The following ZNF469 variants were observed in gnomAD, a reference collection of about 807,000 sequenced individuals.
ZNF469 encodes zinc finger protein 469.
A neutral mutation model predicts 1.0 loss-of-function variants in ZNF469; 1 was observed. That is an observed-to-expected ratio of 1.00 (90% confidence interval 0.35 to 4.73). The LOEUF (loss-of-function observed/expected upper bound fraction) is 4.73, where lower values mean the gene tolerates loss of function less well. Ranked by LOEUF, ZNF469 falls within the 30% of genes most tolerant of loss-of-function variation. The pLI is 0.16. For missense variants in ZNF469, 6,100 were observed against 5,356.3 expected, an observed-to-expected ratio of 1.14 and a Z score of -4.33; for synonymous variants, 2,703 against 2,363.4, an observed-to-expected ratio of 1.14 and a Z score of -4.17.
At chr16:88,246,555 A>G in the ZNF469 span, among the ~76,000 whole-genome samples, 2 of 152,246 alleles carry the variant, frequency 1.3e-5, no homozygotes, top group African/African-American at 4.8e-5. Flanking sequence ...AATCGCCAAG[A>G]GCGCTTGCTA....
At chr16:88,380,188 C>G (rs1027694808), upstream of ZNF469, among the ~76,000 whole-genome samples, 2 of 151,678 alleles carry the variant, frequency 1.3e-5, no homozygotes, top group African/African-American at 4.9e-5. Flanking sequence ...CACAAATGCA[C>G]TCACACACAG....
At chr16:88,410,475 C>T (rs1002040406) in intron 1 of ZNF469, among the ~76,000 whole-genome samples, 3 of 139,214 alleles carry the variant, frequency 2.2e-5, no homozygotes, top group African/African-American at 5.5e-5. Flanking sequence ...GCACGGTTCA[C>T]GGTGACGTCT....
At chr16:88,214,547 C>T in the ZNF469 span, among the ~76,000 whole-genome samples, 2 of 151,900 alleles carry the variant, frequency 1.3e-5, no homozygotes, top group Non-Finnish European at 2.9e-5. Flanking sequence ...GGGTACAGTG[C>T]AGAACGTGCA....
upstream of ZNF469, among the ~76,000 whole-genome samples, chr16:88,382,753 C>A (rs574707284): frequency 1.3e-5 from 2 of 152,344 alleles, no homozygotes; most frequent in South Asian, 4.1e-4. Flanking sequence ...GCAGCGTTTC[C>A]GTCTCAGCAG....
chr16:88,263,910 T>C, the ZNF469 span, among the ~76,000 whole-genome samples: 1 of 151,948 alleles, frequency 6.6e-6, no homozygotes, highest in African/African-American at 2.4e-5. Flanking sequence ...CCTGCTGACC[T>C]GCGTGGCCAT....
At chr16:88,230,986 G>T in the ZNF469 span, among the ~76,000 whole-genome samples, 1 of 152,106 alleles carries the variant, frequency 6.6e-6, no homozygotes, top group African/African-American at 2.4e-5. Context: ...CAGGACACAC[G>T]GCTGGAACTC....
the ZNF469 span, chr16:88,191,821 G>A: frequency 6.6e-6 from 1 of 152,256 alleles, no homozygotes; most frequent in East Asian, 1.9e-4. Context: ...CTATGGTGAT[G>A]GCTTTGGAGA....
chr16:88,401,830 T>A (rs1445007046), intron 1 of ZNF469, among the ~76,000 whole-genome samples: 1 of 145,342 alleles, frequency 6.9e-6, no homozygotes, highest in East Asian at 2.1e-4. Context: ...CTTGGGTGGA[T>A]GGATGGTGGA....
At chr16:88,131,206 G>T in the ZNF469 span, among the ~76,000 whole-genome samples, 2 of 152,230 alleles carry the variant, frequency 1.3e-5, no homozygotes, top group Non-Finnish European at 2.9e-5. Context: ...CGAGTAAGGC[G>T]CAGAATCACA....
At chr16:88,319,076 G>C in the ZNF469 span, among the ~76,000 whole-genome samples, 1 of 152,144 alleles carries the variant, frequency 6.6e-6, no homozygotes, top group African/African-American at 2.4e-5. Flanking sequence ...ACCAGGCTGG[G>C]GCAGGATGGG....
At chr16:88,252,543 A>T in the ZNF469 span, among the ~76,000 whole-genome samples, 1 of 152,052 alleles carries the variant, frequency 6.6e-6, no homozygotes, top group Non-Finnish European at 1.5e-5. Flanking sequence ...ATCACTGTTT[A>T]CATTTTATGA....
At chr16:88,173,039 G>A in the ZNF469 span, among the ~76,000 whole-genome samples, 37 of 152,276 alleles carry the variant, frequency 2.4e-4, no homozygotes, top group East Asian at 5.2e-3. Context: ...AGGCAGGGAC[G>A]GAAAAATGTT....
the ZNF469 span, among the ~76,000 whole-genome samples, chr16:88,357,574 G>A: frequency 3.3e-5 from 5 of 152,218 alleles, no homozygotes; most frequent in Non-Finnish European, 5.9e-5. Flanking sequence ...CTGGGTGCTA[G>A]CAGGCAGGCG....
At chr16:88,130,130 T>C in the ZNF469 span, among the ~76,000 whole-genome samples, 2 of 152,200 alleles carry the variant, frequency 1.3e-5, no homozygotes, top group African/African-American at 2.4e-5. Context: ...CATCGGGCGC[T>C]GTTTGTGTCT....
chr16:88,246,897 G>A, the ZNF469 span, among the ~76,000 whole-genome samples: 1 of 152,138 alleles, frequency 6.6e-6, no homozygotes, highest in East Asian at 1.9e-4. Flanking sequence ...GTGAGTGAAT[G>A]AGTGAATGAG....
Position 88,427,864 on chromosome 16 carries a change from A to C in ZNF469, c.394A>C (p.Thr132Pro). 4 of 1,549,482 alleles carry C rather than the reference A, an allele frequency of 2.6e-6. No homozygotes were observed. Among genetic ancestry groups the C allele is most frequent in the Non-Finnish European group, 3.5e-6 (4 of 1,146,756 alleles). Residue 132 changes from threonine to proline, a missense_variant, in exon 3 of 3, where the codon ACC becomes CCC. Thr to Pro is a conservative substitution (Grantham distance 38, BLOSUM62 -1). Coordinates refer to ENST00000565624, the MANE Select transcript of ZNF469 (RefSeq NM_001367624.2). ...LGIASSRTKP[T>P]LDETPENPQL... ...CATCGCCAGCTCGAGGACCAAGCCC[A>C]CCCTGGACGAGACACCAGAGAACCC...
the ZNF469 span, among the ~76,000 whole-genome samples, chr16:88,228,241 C>T: frequency 6.6e-6 from 1 of 152,366 alleles, no homozygotes; most frequent in Non-Finnish European, 1.5e-5. Flanking sequence ...CTGCCTCGCT[C>T]CTTGGTGCTG....
the ZNF469 span, among the ~76,000 whole-genome samples, chr16:88,219,942 G>C: frequency 1.3e-5 from 2 of 152,178 alleles, no homozygotes; most frequent in Admixed American, 1.3e-4. Flanking sequence ...GAAGGCACCT[G>C]AGACATTGCT....
upstream of ZNF469, among the ~76,000 whole-genome samples, chr16:88,379,410 A>C (rs975474113): frequency 6.6e-6 from 1 of 152,046 alleles, no homozygotes; most frequent in Non-Finnish European, 1.5e-5. Context: ...AGAGCACCCC[A>C]TCAGGCAACT....
Sources: gnomAD v4.1 joint callset for allele counts (sites outside exome capture counted in the v4.1 genomes callset) on GRCh38, gnomAD v4.1.1 for gene constraint, MANE v1.5 for transcripts, NCBI Gene and HGNC (gene_info 2026-07-23, HGNC 2026-07-21) for gene names.